HACE1: variants seen among roughly 807,000 people sequenced by gnomAD.
The protein encoded by HACE1 is E3 ubiquitin-protein ligase HACE1.
In HACE1, 73 loss-of-function variants were observed where a neutral mutation model predicts 118.4. The ratio of observed to expected loss-of-function variants is 0.62; its 90% CI spans 0.51 to 0.75. The LOEUF (loss-of-function observed/expected upper bound fraction) is 0.75, where lower values mean the gene tolerates loss of function less well. Ranked by LOEUF, HACE1 falls within the 30% of genes least tolerant of loss-of-function variation. HACE1 has a pLI of 0.00. For synonymous variants in HACE1, 368 were observed against 374.8 expected (o/e 0.98, Z 0.21); for missense variants, 749 against 1,102.2 (o/e 0.68, Z 4.54).
chr6:104,834,016 C>T (rs1011166680), intron 5 of HACE1, among the ~76,000 whole-genome samples: 5 of 152,046 alleles, frequency 3.3e-5, no homozygotes, highest in Non-Finnish European at 7.4e-5. Flanking sequence ...TGGTGGCATA[C>T]ACCTATGGTC....
intron 6 of HACE1, among the ~76,000 whole-genome samples, chr6:104,812,903 G>A (rs947774499): frequency 6.6e-6 from 1 of 152,150 alleles, no homozygotes; most frequent in Non-Finnish European, 1.5e-5. Flanking sequence ...TATCCAGTTA[G>A]TTACTATCCC....
Position 104,859,782 on chromosome 6 carries a change from C to A in HACE1, c.-140G>T. The A allele has an allele frequency of 1.4e-6, 1 of 733,374 alleles. No individual in the cohort carries two copies. The allele number at this position is 733,374 out of a possible 1,614,324, so 45.4% of individuals were successfully genotyped here. On this transcript the variant is annotated 5_prime_UTR_variant, in exon 1 of 24. Transcript: ENST00000262903. ...CGGCTAGAGCACTGAGCTGCGAGGGCTGCCTGGGGCCACGTCCTGCGTCCG... is the reference window on the plus strand; with the variant it reads ...CGGCTAGAGCACTGAGCTGCGAGGGATGCCTGGGGCCACGTCCTGCGTCCG...
Position 104,859,750 on chromosome 6 carries a change from C to A in HACE1, c.-108G>T. The A allele has an allele frequency of 9.6e-7, 1 of 1,037,656 alleles. No homozygotes were observed. The highest frequency in any genetic ancestry group is 1.4e-6 in the Non-Finnish European group (1 of 717,212). 64.3% of individuals were successfully genotyped at this position (1,037,656 alleles called of 1,614,324 possible). A position where few individuals can be genotyped will look rare whatever the true frequency, so the allele number is the denominator to read the frequency against. ...CCCGTCCAGCAGGCGGAGACGCGGG[C>A]TTGCCCCGGCTAGAGCACTGAGCTG... is the stretch of plus-strand genomic sequence containing the variant. On this transcript the variant is annotated 5_prime_UTR_variant, in exon 1 of 24. Coordinates refer to ENST00000262903, the MANE Select transcript of HACE1 (RefSeq NM_020771.4).
intron 7 of HACE1, among the ~76,000 whole-genome samples, chr6:104,802,594 C>T (rs969821253): frequency 9.8e-5 from 15 of 152,296 alleles, no homozygotes; most frequent in African/African-American, 3.6e-4. Flanking sequence ...GGAAACTGAA[C>T]AACCTGCTCC....
At chr6:104,742,358 A>G (rs1390336133) in intron 22 of HACE1, among the ~76,000 whole-genome samples, 1 of 145,672 alleles carries the variant, frequency 6.9e-6, no homozygotes, top group Non-Finnish European at 1.5e-5. Flanking sequence ...AGAAACTACC[A>G]TCAGAGTGAA....
chr6:104,812,782 G>A (rs951431657), intron 6 of HACE1, among the ~76,000 whole-genome samples: 1 of 152,150 alleles, frequency 6.6e-6, no homozygotes, highest in Non-Finnish European at 1.5e-5. Flanking sequence ...GGAATTGGAA[G>A]TACCAGGTAC....
intron 20 of HACE1, among the ~76,000 whole-genome samples, chr6:104,747,492 A>C (rs2114538366): frequency 6.6e-6 from 1 of 152,104 alleles, no homozygotes; most frequent in Middle Eastern, 3.4e-3. Flanking sequence ...ATTTTTTAAA[A>C]GTTTCCTTTC....
chr6:104,811,381 A>G lies in HACE1; in HGVS notation c.547T>C (p.Leu183=), dbSNP rs1771607067. Residue 183 remains leucine, a synonymous_variant, in exon 7 of 24, where the codon TTG becomes CTG. Transcript: ENST00000262903. ...QNGHKTTVQC[L]LDSGADINRP... is the part of the protein sequence containing the mutation. ...TTAATATCAGCACCACTGTCTAGCA[A>G]GCACTGCACTGTCTGAGGGGGAAAA... is the stretch of plus-strand genomic sequence containing the variant. 2 of 1,492,696 alleles carry G rather than the reference A, an allele frequency of 1.3e-6. No homozygotes were observed. Among genetic ancestry groups the G allele is most frequent in the African/African-American group, 1.4e-5 (1 of 72,314 alleles). 92.5% of individuals were successfully genotyped at this position (1,492,696 alleles called of 1,614,324 possible).
chr6:104,771,159 A>C (rs751266052), intron 19 of HACE1, 34 bp downstream of exon 19: 3 of 1,495,532 alleles, frequency 2.0e-6, no homozygotes, highest in African/African-American at 2.8e-5. Flanking sequence ...GCCAAGTTAC[A>C]AACAATGGTT....
At chr6:104,808,339 G>A (rs188751662) in intron 7 of HACE1, among the ~76,000 whole-genome samples, 1 of 152,312 alleles carries the variant, frequency 6.6e-6, no homozygotes, top group African/African-American at 2.4e-5. Flanking sequence ...CAACTACTAA[G>A]TGTTGAATAC....
chr6:104,770,845 C>A (rs1391593111), intron 19 of HACE1, among the ~76,000 whole-genome samples: 2 of 152,178 alleles, frequency 1.3e-5, no homozygotes, highest in African/African-American at 4.8e-5. Context: ...TATTAGAATT[C>A]TTTAATATTA....
chr6:104,787,265 G>C (rs990130681), intron 11 of HACE1: 4 of 152,070 alleles, frequency 2.6e-5, no homozygotes, highest in African/African-American at 4.8e-5. Flanking sequence ...ACCCTCCTTC[G>C]AAGTTAAAGT....
In HACE1 at chr6:104,851,011, A is replaced by G; in HGVS notation, c.132-15T>C. ...CAGAAACAGACCTATGCCAAAATAA[A>G]AATGAGGAATCAAGTGTAAAAAAAG... is the stretch of plus-strand genomic sequence containing the variant. On this transcript the variant is annotated splice_polypyrimidine_tract_variant and intron_variant, in intron 2 of 23. Coordinates refer to ENST00000262903, the MANE Select transcript of HACE1 (RefSeq NM_020771.4). 1 of 1,456,410 alleles carries G rather than the reference A, an allele frequency of 6.9e-7. No individual in the cohort carries two copies. The highest frequency in any genetic ancestry group is 9.7e-7 in the Non-Finnish European group (1 of 1,035,566). The allele number at this position is 1,456,410 out of a possible 1,614,324, so 90.2% of individuals were successfully genotyped here.
Position 104,758,677 on chromosome 6 carries a change from A to G in HACE1, c.2212-8205T>C, listed in dbSNP as rs367595179. 6.6e-5 allele frequency among the ~76,000 whole-genome samples: 10 copies of G among 152,322 alleles called. No individual in the cohort carries two copies. The East Asian group carries it at 1.4e-3, about 21-fold the overall frequency. ...AATAACCAGCTAGCATCATAATGAC[A>G]GCATCAAATTCACACATAACAATAC... On this transcript the variant is annotated intron_variant, in intron 19 of 23. Transcript: ENST00000262903.
intron 7 of HACE1, among the ~76,000 whole-genome samples, chr6:104,798,804 C>T (rs1769978894): frequency 6.6e-6 from 1 of 152,170 alleles, no homozygotes; most frequent in Non-Finnish European, 1.5e-5. Context: ...TATAGTGATA[C>T]TTTTGCTAGT....
At chr6:104,806,248 G>A (rs138067677) in intron 7 of HACE1, among the ~76,000 whole-genome samples, 35 of 152,206 alleles carry the variant, frequency 2.3e-4, no homozygotes, top group Non-Finnish European at 8.8e-5. Flanking sequence ...AATCACTTGA[G>A]GCCAGGCGTT....
At chr6:104,788,133 T>G (rs1286263610) in intron 11 of HACE1, among the ~76,000 whole-genome samples, 1 of 152,068 alleles carries the variant, frequency 6.6e-6, no homozygotes, top group African/African-American at 2.4e-5. Flanking sequence ...CAAATAAATT[T>G]TAAAATTAAA....
At chr6:104,845,279 C>T (rs951631076) in intron 4 of HACE1, among the ~76,000 whole-genome samples, 1 of 151,918 alleles carries the variant, frequency 6.6e-6, no homozygotes, top group Non-Finnish European at 1.5e-5. Flanking sequence ...CTCATAGTAG[C>T]TCTCAATAAA....
At chr6:104,768,278 G>A (rs1780220166) in intron 19 of HACE1, among the ~76,000 whole-genome samples, 1 of 151,924 alleles carries the variant, frequency 6.6e-6, no homozygotes, top group South Asian at 2.1e-4. Flanking sequence ...AAATTATAAA[G>A]TCGAACTCTA....
Sources: allele counts gnomAD v4.1 joint callset (sites outside exome capture counted in the v4.1 genomes callset), GRCh38; gene constraint gnomAD v4.1.1; transcripts MANE v1.5; gene names NCBI Gene and HGNC (gene_info 2026-07-23, HGNC 2026-07-21).